The following LRP1B variants were observed in gnomAD, a reference collection of about 807,000 sequenced individuals.
LRP1B encodes LDL receptor related protein 1B.
A neutral mutation model predicts 556.6 loss-of-function variants in LRP1B; 217 were observed. That is an observed-to-expected ratio of 0.39 (90% CI 0.35 to 0.44). LRP1B has a LOEUF of 0.44. LRP1B is among the 20% of genes least tolerant of loss of function. The pLI is 1.00. For missense variants in LRP1B, 5,053 were observed against 5,620.8 expected (o/e 0.90, Z 3.23); for synonymous variants, 2,047 against 1,865.8 (o/e 1.10, Z -2.50).
intron 43 of LRP1B, among the ~76,000 whole-genome samples, chr2:140,576,476 T>C (rs1414264988): frequency 6.6e-6 from 1 of 152,256 alleles, no homozygotes; most frequent in African/African-American, 2.4e-5. Context: ...TGGTTGTGTA[T>C]GGATTCGCCA....
intron 59 of LRP1B, among the ~76,000 whole-genome samples, chr2:140,480,594 C>G (rs1206465265): frequency 6.6e-6 from 1 of 151,030 alleles, no homozygotes; most frequent in Non-Finnish European, 1.5e-5. Flanking sequence ...GCCCGTGCCA[C>G]CAAGCCCGGC....
chr2:140,287,002 A>G (rs1332246325), intron 84 of LRP1B, among the ~76,000 whole-genome samples: 1 of 151,804 alleles, frequency 6.6e-6, no homozygotes, highest in Non-Finnish European at 1.5e-5. Flanking sequence ...CCAAAGTTAT[A>G]GAATACTGTT....
At chr2:141,980,848 A>C (rs1702024137) in intron 1 of LRP1B, among the ~76,000 whole-genome samples, 1 of 152,118 alleles carries the variant, frequency 6.6e-6, no homozygotes, top group Non-Finnish European at 1.5e-5. Context: ...GCACAACTCA[A>C]GACTATGTTC....
chr2:141,342,383 C>T (rs759306120), intron 3 of LRP1B, among the ~76,000 whole-genome samples: 18 of 151,900 alleles, frequency 1.2e-4, no homozygotes, highest in African/African-American at 4.4e-4. Context: ...ACTTTGGTTG[C>T]AATCTTCAGA....
At chr2:140,865,881 C>T (rs1310134219) in intron 27 of LRP1B, among the ~76,000 whole-genome samples, 5 of 152,036 alleles carry the variant, frequency 3.3e-5, no homozygotes, top group Admixed American at 1.3e-4. Flanking sequence ...ATGAATGTCT[C>T]GTTTCTTTCC....
intron 7 of LRP1B, among the ~76,000 whole-genome samples, chr2:141,133,427 G>A (rs955866954): frequency 2.6e-5 from 4 of 151,734 alleles, no homozygotes; most frequent in Admixed American, 6.6e-5. Context: ...TTAAGATTCG[G>A]AGACTTATTG....
chr2:141,402,514 A>G (rs965169282), intron 3 of LRP1B, among the ~76,000 whole-genome samples: 1 of 152,102 alleles, frequency 6.6e-6, no homozygotes, highest in African/African-American at 2.4e-5. Flanking sequence ...ATTATTTTTA[A>G]TAGTGTTTGA....
intron 47 of LRP1B, among the ~76,000 whole-genome samples, chr2:140,531,621 T>C (rs1464333608): frequency 6.6e-6 from 1 of 152,166 alleles, no homozygotes; most frequent in Non-Finnish European, 1.5e-5. Flanking sequence ...TCATCACAAC[T>C]GTACTTCATA....
chr2:141,434,847 TC>T (rs1039535529), intron 3 of LRP1B, among the ~76,000 whole-genome samples: 50 of 152,308 alleles, frequency 3.3e-4, no homozygotes, highest in African/African-American at 1.2e-3. Context: ...ACTTCTGATA[TC>T]CCTACTCAGA....
chr2:141,797,401 T>A (rs1461403203), intron 2 of LRP1B, among the ~76,000 whole-genome samples: 1 of 151,682 alleles, frequency 6.6e-6, no homozygotes, highest in East Asian at 1.9e-4. Context: ...GAAACAGAAG[T>A]AACAGTTATT....
chr2:140,525,238 A>T (rs1017282566), intron 49 of LRP1B, among the ~76,000 whole-genome samples: 5 of 151,428 alleles, frequency 3.3e-5, no homozygotes, highest in African/African-American at 1.2e-4. Flanking sequence ...TCTTTTTATA[A>T]TTTTTTTTTA....
chr2:141,331,522 C>CTTTTCTTTCTTTCTT (rs10694161), intron 3 of LRP1B, among the ~76,000 whole-genome samples: 1 of 140,714 alleles, frequency 7.1e-6, no homozygotes, highest in African/African-American at 2.9e-5. Flanking sequence ...TTCTTTCTTT[C>CTTTTCTTTCTTTCTT]TCTTTCTTTC....
intron 32 of LRP1B, among the ~76,000 whole-genome samples, chr2:140,808,893 C>G (rs536006546): frequency 6.6e-6 from 1 of 152,240 alleles, no homozygotes; most frequent in African/African-American, 2.4e-5. Context: ...ACTAGAAAAC[C>G]TTCGTAGAAA....
intron 2 of LRP1B, among the ~76,000 whole-genome samples, chr2:141,738,371 A>G (rs1316380320): frequency 1.3e-5 from 2 of 152,156 alleles, no homozygotes; most frequent in Non-Finnish European, 2.9e-5. Context: ...AGACACACAC[A>G]TACACAATGC....
rs185178122 is a variant in LRP1B at position 141,875,123 on chromosome 2, A to T, written c.83-64722T>A. On this transcript the variant is annotated intron_variant, in intron 1 of 90. Coordinates refer to ENST00000389484, the MANE Select transcript of LRP1B (RefSeq NM_018557.3). ...GTATATATTATACACAGTGTAATGT[A>T]TACATCACATTATATCCATATATAT... Among the ~76,000 whole-genome samples, 743 of 151,770 alleles carry T rather than the reference A, an allele frequency of 4.9e-3. 9 individuals carry two copies. The highest frequency in any genetic ancestry group is 0.02 in the South Asian group (95 of 4,822).
intron 5 of LRP1B, among the ~76,000 whole-genome samples, chr2:141,246,304 G>T (rs1684067538): frequency 6.6e-6 from 1 of 152,156 alleles, no homozygotes; most frequent in Non-Finnish European, 1.5e-5. Context: ...AGATAAAAAG[G>T]CAACATGGTT....
chr2:142,090,806 T>A (rs1425347300), intron 1 of LRP1B, among the ~76,000 whole-genome samples: 3 of 152,138 alleles, frequency 2.0e-5, no homozygotes, highest in African/African-American at 7.2e-5. Context: ...TAAGTGGATA[T>A]ATAGTTTCCA....
chr2:140,383,357 A>G (rs2105193558), intron 67 of LRP1B, among the ~76,000 whole-genome samples: 1 of 152,100 alleles, frequency 6.6e-6, no homozygotes, highest in South Asian at 2.1e-4. Flanking sequence ...AATTGCAAAT[A>G]TCTTGATAGA....
chr2:140,672,443 C>T (rs939718682), intron 41 of LRP1B, among the ~76,000 whole-genome samples: 1 of 135,496 alleles, frequency 7.4e-6, no homozygotes, highest in African/African-American at 2.8e-5. Flanking sequence ...GAAATCGCAC[C>T]ATTGCACTCC....
Sources: gnomAD v4.1 joint callset for allele counts (sites outside exome capture counted in the v4.1 genomes callset) on GRCh38, gnomAD v4.1.1 for gene constraint, MANE v1.5 for transcripts, NCBI Gene and HGNC (gene_info 2026-07-23, HGNC 2026-07-21) for gene names.